Variants in UBXN6 observed in about 807,000 individuals in gnomAD.
UBXN6 encodes UBX domain-containing protein 6.
A neutral mutation model predicts 51.4 loss-of-function variants in UBXN6; 44 were observed. That is an observed-to-expected ratio of 0.86 (90% CI 0.67 to 1.10). The LOEUF (loss-of-function observed/expected upper bound fraction) is 1.10, where lower values mean the gene tolerates loss of function less well. Among genes scored for constraint, UBXN6 ranks in the 50% least tolerant of loss-of-function variants. UBXN6 has a pLI of 0.00. For missense variants in UBXN6, 672 were observed against 596.1 expected (o/e 1.13, Z -1.32); for synonymous variants, 316 against 263.2 (o/e 1.20, Z -1.94).
intron 4 of UBXN6, chr19:4,450,785 A>C (rs1974640404): frequency 6.8e-6 from 1 of 145,988 alleles, no homozygotes; most frequent in African/African-American, 2.5e-5. Context: ...AAAAAAAAAA[A>C]AGAGTGCCTA....
At chr19:4,448,040 G>A (rs1351205052) in intron 5 of UBXN6, 13 of 546,176 alleles carry the variant, frequency 2.4e-5, no homozygotes, top group Admixed American at 1.6e-4. Context: ...GGGGAGTGGG[G>A]TGGGACCCTG....
In UBXN6 at chr19:4,446,446, C is replaced by T. The variant is rs370002824; in HGVS notation, c.921-33G>A. ...CGCGGGCCAGGTCACGAGGGCTGGCCGGGGTTCTTCCACCCCGCCCCGCCC... is the reference window on the plus strand; with the variant it reads ...CGCGGGCCAGGTCACGAGGGCTGGCTGGGGTTCTTCCACCCCGCCCCGCCC... On this transcript the variant is annotated intron_variant, in intron 8 of 10. Transcript: ENST00000301281. 85 of 1,579,910 alleles carry T rather than the reference C, an allele frequency of 5.4e-5. No homozygotes were observed. The Admixed American group carries it at 5.5e-4, about 10-fold the overall frequency.
chr19:4,451,106 G>C (rs1263674730), intron 4 of UBXN6, among the ~76,000 whole-genome samples: 5 of 152,128 alleles, frequency 3.3e-5, no homozygotes, highest in Non-Finnish European at 7.3e-5. Flanking sequence ...GTCCACGCTG[G>C]AGCTCAATGG....
intron 3 of UBXN6, 135 bp from the exon 4 acceptor site, chr19:4,452,627 C>T (rs1362988247): frequency 8.8e-6 from 11 of 1,256,224 alleles, no homozygotes; most frequent in African/African-American, 3.0e-5. Context: ...ACCTGGTGGC[C>T]GTGGGAGACA....
At chr19:4,448,995 G>C (rs868604732) in intron 4 of UBXN6, 2 of 155,772 alleles carry the variant, frequency 1.3e-5, no homozygotes, top group African/African-American at 4.8e-5. Context: ...GCCCCTCCCC[G>C]AGGTCCCACC....
At chr19:4,456,085 G>A (rs566375016) in intron 1 of UBXN6, among the ~76,000 whole-genome samples, 1 of 151,940 alleles carries the variant, frequency 6.6e-6, no homozygotes, top group African/African-American at 2.4e-5. Flanking sequence ...GCTCCACAAG[G>A]GACCTCCGCA....
chr19:4,445,474 G>A lies in UBXN6; in HGVS notation c.*24C>T. 1 of 1,613,556 alleles carries A rather than the reference G, an allele frequency of 6.2e-7. No individual in the cohort carries two copies. Among genetic ancestry groups the A allele is most frequent in the Non-Finnish European group, 8.5e-7 (1 of 1,179,886 alleles). ...GGAGAGCATGAGACAGACCCACAGG[G>A]CTGAGGCCAACCCTGCTTTTATTTC... On this transcript the variant is annotated 3_prime_UTR_variant, in exon 11 of 11. Transcript: ENST00000301281.
At chr19:4,448,257 G>C in intron 5 of UBXN6, 61 bp downstream of exon 5, 2 of 1,456,218 alleles carry the variant, frequency 1.4e-6, no homozygotes, top group Non-Finnish European at 1.9e-6. Context: ...GACAGCCCCA[G>C]TGGGAGGGGT....
chr19:4,448,784 C>G (rs932315869), intron 4 of UBXN6: 6 of 252,270 alleles, frequency 2.4e-5, no homozygotes, highest in African/African-American at 1.3e-4. Flanking sequence ...CCTCCCGCCA[C>G]CATGGACGCC....
chr19:4,453,073 C>G (rs1974681247), intron 3 of UBXN6, among the ~76,000 whole-genome samples: 1 of 152,236 alleles, frequency 6.6e-6, no homozygotes, highest in Admixed American at 6.5e-5. Context: ...GGGACAGGCT[C>G]TGAAACCACA....
intron 4 of UBXN6, among the ~76,000 whole-genome samples, chr19:4,451,414 A>G (rs1028059578): frequency 1.3e-5 from 2 of 152,158 alleles, no homozygotes; most frequent in Non-Finnish European, 2.9e-5. Context: ...GTGCAGTGGC[A>G]TGATTACAGC....
chr19:4,454,279 G>A (rs763270697), intron 1 of UBXN6, among the ~76,000 whole-genome samples, 186 bp from the exon 2 acceptor site: 25 of 152,218 alleles, frequency 1.6e-4, no homozygotes, highest in Non-Finnish European at 3.7e-4. Flanking sequence ...TACTGCAGGC[G>A]GAAGAGCCCC....
At chr19:4,453,394 C>T (rs1568192828) in intron 3 of UBXN6, 64 bp downstream of exon 3, 37 of 1,563,982 alleles carry the variant, frequency 2.4e-5, no homozygotes, top group South Asian at 1.8e-4. Context: ...ACATCTCCCC[C>T]GTGACACAGT....
chr19:4,447,293 C>T, intron 6 of UBXN6: 1 of 576,062 alleles, frequency 1.7e-6, no homozygotes, highest in Middle Eastern at 4.6e-4. Flanking sequence ...TGTTCCCAAA[C>T]AAGCCCAGCT....
At chr19:4,451,657 G>A (rs1303266805) in intron 4 of UBXN6, among the ~76,000 whole-genome samples, 1 of 151,816 alleles carries the variant, frequency 6.6e-6, no homozygotes, top group African/African-American at 2.4e-5. Context: ...TATTTTTTGA[G>A]ATGGAGTTTT....
chr19:4,455,188 C>T, intron 1 of UBXN6: 2 of 984,852 alleles, frequency 2.0e-6, no homozygotes, highest in Non-Finnish European at 2.4e-6. Context: ...TCTGTCTCAC[C>T]CGTCTCCTCT....
In UBXN6 at chr19:4,457,596, C is replaced by A; in HGVS notation, c.83+19G>T. The A allele has an allele frequency of 6.3e-7, 1 of 1,588,540 alleles. No homozygotes were observed. The highest frequency in any genetic ancestry group is 8.5e-7 in the Non-Finnish European group (1 of 1,169,794). On this transcript the variant is annotated intron_variant, in intron 1 of 10. Transcript: ENST00000301281. ...GTCCCCGCCCCGCAGGGCCTCAAGC[C>A]CCTGCGTTCCTCACGCACCCCACGG...
chr19:4,456,665 C>G (rs1188581634), intron 1 of UBXN6, among the ~76,000 whole-genome samples: 1 of 152,186 alleles, frequency 6.6e-6, no homozygotes. Context: ...AGGCCCTTCT[C>G]TCCAAGTCCT....
intron 9 of UBXN6, 35 bp downstream of exon 9, chr19:4,446,248 C>A: frequency 1.3e-6 from 2 of 1,570,730 alleles, no homozygotes; most frequent in Admixed American, 1.8e-5. Context: ...CCCTACCAAC[C>A]CGAGCCGCCC....
Sources: gnomAD v4.1 joint callset for allele counts (sites outside exome capture counted in the v4.1 genomes callset) on GRCh38, gnomAD v4.1.1 for gene constraint, MANE v1.5 for transcripts, NCBI Gene and HGNC (gene_info 2026-07-23, HGNC 2026-07-21) for gene names.